The following KIF26B variants were observed in gnomAD, a reference collection of about 807,000 sequenced individuals.
KIF26B encodes kinesin family member 26B.
Under a neutral mutation model 151.2 loss-of-function variants are expected in KIF26B, and 63 were observed. The ratio of observed to expected loss-of-function variants is 0.42; its 90% confidence interval spans 0.34 to 0.51. The LOEUF is 0.51. Ranked by LOEUF, KIF26B falls within the 20% of genes least tolerant of loss-of-function variation. KIF26B has a pLI of 0.07. For synonymous variants in KIF26B, 1,357 were observed against 1,262.1 expected (o/e 1.08, Z -1.59); for missense variants, 2,813 against 2,913.6 (o/e 0.97, Z 0.79).
At chr1:245,550,354 G>A (rs550721042) in intron 5 of KIF26B, among the ~76,000 whole-genome samples, 1 of 152,326 alleles carries the variant, frequency 6.6e-6, no homozygotes, top group Non-Finnish European at 1.5e-5. Flanking sequence ...TTCAGTTTCC[G>A]CTGAGTTCTT....
chr1:245,169,360 T>C (rs867984146), intron 2 of KIF26B, among the ~76,000 whole-genome samples: 2 of 151,734 alleles, frequency 1.3e-5, no homozygotes, highest in Non-Finnish European at 2.9e-5. Context: ...TGTGTGTGTG[T>C]GTGCGCGCAA....
chr1:245,444,131 C>A (rs1410679285), intron 4 of KIF26B, among the ~76,000 whole-genome samples: 1 of 88,654 alleles, frequency 1.1e-5, no homozygotes, highest in East Asian at 6.4e-4. Flanking sequence ...GGTCATCTCC[C>A]TTACTGTTCA....
chr1:245,275,905 G>A (rs3920193), intron 2 of KIF26B, among the ~76,000 whole-genome samples: 66,463 of 151,934 alleles, frequency 0.44, 15,077 homozygotes, highest in East Asian at 0.59. Context: ...AGTATCCTTC[G>A]TTGACAGGTT....
intron 2 of KIF26B, among the ~76,000 whole-genome samples, chr1:245,276,378 T>G (rs1193145035): frequency 1.3e-5 from 2 of 152,130 alleles, no homozygotes; most frequent in African/African-American, 2.4e-5. Context: ...GAATACATGC[T>G]CCAACTCTTT....
In KIF26B at chr1:245,162,834, A is replaced by G. The variant is rs151140193; in HGVS notation, c.465+6151A>G. ...CCAGAGCCTATCTGAGAAAATTGGA[A>G]ATGAGTGATTGTTAAAAAGATGTTT... On this transcript the variant is annotated intron_variant, in intron 2 of 14. Coordinates refer to ENST00000407071, the MANE Select transcript of KIF26B (RefSeq NM_018012.4). Among the ~76,000 whole-genome samples the G allele has an allele frequency of 5.2e-3, 797 of 152,310 alleles. 6 individuals carry two copies. Among genetic ancestry groups the G allele is most frequent in the South Asian group, 8.7e-3 (42 of 4,832 alleles).
At chr1:245,223,150 C>A (rs1025046313) in intron 2 of KIF26B, among the ~76,000 whole-genome samples, 3 of 152,190 alleles carry the variant, frequency 2.0e-5, no homozygotes, top group Non-Finnish European at 4.4e-5. Flanking sequence ...TCACAGCCTG[C>A]ATTCCACATG....
intron 2 of KIF26B, among the ~76,000 whole-genome samples, chr1:245,249,875 C>T (rs899101348): frequency 3.9e-5 from 6 of 152,160 alleles, no homozygotes; most frequent in African/African-American, 1.4e-4. Flanking sequence ...ATAATATTAA[C>T]ATTTGATCTG....
At chr1:245,325,649 T>G (rs1453282385) in intron 2 of KIF26B, among the ~76,000 whole-genome samples, 2 of 151,824 alleles carry the variant, frequency 1.3e-5, no homozygotes. Flanking sequence ...AGGCAGAGGT[T>G]GCGGTGAGCC....
intron 2 of KIF26B, among the ~76,000 whole-genome samples, chr1:245,233,827 A>AGCTGTTATTTGTGAATGTT (rs1670047997): frequency 1.3e-5 from 2 of 152,122 alleles, no homozygotes; most frequent in Non-Finnish European, 2.9e-5. Flanking sequence ...CAGCTTCATA[A>AGCTGTTATTTGTGAATGTT]ATACATGTTA....
At chr1:245,557,101 A>C (rs1263404742) in intron 5 of KIF26B, among the ~76,000 whole-genome samples, 2 of 152,236 alleles carry the variant, frequency 1.3e-5, no homozygotes, top group African/African-American at 2.4e-5. Flanking sequence ...CCTCCACAAA[A>C]GTGCCAGGCC....
chr1:245,648,323 G>A (rs1221107864), intron 10 of KIF26B, among the ~76,000 whole-genome samples: 1 of 152,070 alleles, frequency 6.6e-6, no homozygotes, highest in African/African-American at 2.4e-5. Context: ...GTTAGAGTTG[G>A]GTTTTTTATA....
intron 4 of KIF26B, among the ~76,000 whole-genome samples, chr1:245,445,730 G>T (rs1659236071): frequency 6.6e-6 from 1 of 152,152 alleles, no homozygotes; most frequent in Admixed American, 6.5e-5. Flanking sequence ...GCTCTCCCAG[G>T]TGTCCATAAG....
At chr1:245,338,253 C>T (rs1672273729) in intron 2 of KIF26B, among the ~76,000 whole-genome samples, 1 of 152,188 alleles carries the variant, frequency 6.6e-6, no homozygotes, top group South Asian at 2.1e-4. Flanking sequence ...CCATTATGTA[C>T]ACCAGGAGGC....
In KIF26B at chr1:245,685,407, C is replaced by T. The variant is rs780265322; in HGVS notation, c.2424C>T (p.Tyr808=). 15 of 1,608,120 alleles carry T rather than the reference C, an allele frequency of 9.3e-6. No homozygotes were observed. In the South Asian group the frequency reaches 1.6e-4, roughly 17 times the overall value. The stretch of plus-strand genomic sequence containing the variant: ...ATTAACTGCCGTCTCACTCACAGTA[C>T]ACATCCAGCTCGTCCGGCGGGGAGA... ...VLRMKKKKTK[Y]TSSSSGGESS... is the part of the protein sequence containing the mutation. The change falls in exon 12 of 15, where the codon TAC becomes TAT. Residue 808 remains tyrosine, a splice_region_variant and synonymous_variant. Coordinates refer to ENST00000407071, the MANE Select transcript of KIF26B (RefSeq NM_018012.4).
At chr1:245,557,649 A>G (rs1715781) in intron 5 of KIF26B, among the ~76,000 whole-genome samples, 126,209 of 152,080 alleles carry the variant, frequency 0.83, 52,972 homozygotes, top group African/African-American at 0.95. Flanking sequence ...AAAATTCCAG[A>G]GTGATCTATG....
At chr1:245,229,496 A>G (rs554772475) in intron 2 of KIF26B, among the ~76,000 whole-genome samples, 9 of 152,336 alleles carry the variant, frequency 5.9e-5, no homozygotes, top group Admixed American at 6.5e-5. Flanking sequence ...ATTCGCAGGT[A>G]AGAGCAGAGC....
chr1:245,352,592 G>A lies in KIF26B; in HGVS notation c.466-14242G>A, dbSNP rs1572018178. On this transcript the variant is annotated intron_variant, in intron 2 of 14. Transcript: ENST00000407071. This position sits in a 1 kb window ranked among gnomAD's most constrained non-coding sequence, Gnocchi z 5.0. ...CTACTTCCAGTTTAAAGTCACCTGG[G>A]AAATACTTGGAGTACAGTTTTGTCA... Among the ~76,000 whole-genome samples, 5 of 152,318 alleles carry A rather than the reference G, an allele frequency of 3.3e-5. No individual in the cohort carries two copies. Among genetic ancestry groups the A allele is most frequent in the South Asian group, 4.1e-4 (2 of 4,824 alleles).
rs1216533448 is a variant in KIF26B at position 245,688,638 on chromosome 1, G to A, written c.5655G>A (p.Lys1885=). 1.9e-6 allele frequency: 3 copies of A among 1,602,216 alleles called. No homozygotes were observed. The highest frequency in any genetic ancestry group is 3.4e-5 in the Admixed American group (2 of 58,918). The change falls in exon 12 of 15, where the codon AAG becomes AAA. Residue 1885 remains lysine, a synonymous_variant. Coordinates refer to ENST00000407071, the MANE Select transcript of KIF26B (RefSeq NM_018012.4). ...GGGAGCTCCCGCCGGCCATGGGGAA[G>A]ACGGCCCTGTTCTACCACAGCGGCG... ...LSGELPPAMG[K]TALFYHSGGS...
chr1:245,477,570 T>C (rs1660067127), intron 4 of KIF26B, among the ~76,000 whole-genome samples: 1 of 151,746 alleles, frequency 6.6e-6, no homozygotes, highest in South Asian at 2.1e-4. Context: ...GTAGCCAGGG[T>C]CCATAACATG....
Sources: gnomAD v4.1 joint callset for allele counts (sites outside exome capture counted in the v4.1 genomes callset) on GRCh38, gnomAD v4.1.1 for gene constraint, Gnocchi (gnomAD v3.1) non-coding constraint, MANE v1.5 for transcripts, NCBI Gene and HGNC (gene_info 2026-07-23, HGNC 2026-07-21) for gene names.